Variants in CCDC110 observed in about 807,000 individuals in gnomAD.
CCDC110 encodes the protein coiled-coil domain containing 110.
CCDC110 carries 70 observed loss-of-function variants against 77.1 expected under a neutral mutation model. That is an observed-to-expected ratio of 0.91 (90% CI 0.75 to 1.11). The LOEUF (loss-of-function observed/expected upper bound fraction) is 1.11, where lower values mean the gene tolerates loss of function less well. CCDC110 is among the 50% of genes least tolerant of loss of function. The pLI, the probability that CCDC110 is intolerant of heterozygous loss-of-function variation, is 0.00. For missense variants in CCDC110, 868 were observed against 942.9 expected, an observed-to-expected ratio of 0.92 and a Z score of 1.04; for synonymous variants, 295 against 312.5, an observed-to-expected ratio of 0.94 and a Z score of 0.59.
rs746233190 is a variant in CCDC110, at chr4:185,458,650, G to C, written c.1937C>G (p.Thr646Arg). 2 of 1,606,764 alleles carry C rather than the reference G, an allele frequency of 1.2e-6. No homozygotes were observed. Among genetic ancestry groups the C allele is most frequent in the East Asian group, 2.2e-5 (1 of 44,706 alleles). Reference protein sequence around the residue: ...TVKDEKLNLETTLQESTAARQ... With the variant: ...TVKDEKLNLERTLQESTAARQ... ...GGCAGCAGTAGATTCTTGTAATGTT[G>C]TTTCAAGGTTGAGTTTTTCATCTTT... Residue 646 changes from threonine to arginine, a missense_variant, in exon 6 of 7, where the codon ACA (threonine) becomes AGA (arginine). By Grantham distance (71) the Thr-to-Arg change is moderately conservative. Coordinates refer to ENST00000307588, the MANE Select transcript of CCDC110 (RefSeq NM_152775.4).
Position 185,459,684 on chromosome 4 carries a change from A to G in CCDC110, c.903T>C (p.Gly301=). ...TTGATTTTATATCTTCATTTAAGTT[A>G]CCGTCCAAGTTTTCTTCCTTAATAA... is the stretch of plus-strand genomic sequence containing the variant. The part of the protein sequence containing the change: ...MNFIKEENLD[G]NLNEDIKSKR... The change falls in exon 6 of 7, where the codon GGT becomes GGC. Residue 301 remains glycine, a synonymous_variant. Coordinates refer to ENST00000307588, the MANE Select transcript of CCDC110 (RefSeq NM_152775.4). 6.2e-7 allele frequency: 1 copy of G among 1,612,100 alleles called. No homozygotes were observed. The highest frequency in any genetic ancestry group is 8.5e-7 in the Non-Finnish European group (1 of 1,179,462).
In CCDC110 at chr4:185,459,892, T is replaced by A. The variant is rs745480880; in HGVS notation, c.695A>T (p.His232Leu). The A allele has an allele frequency of 6.2e-7, 1 of 1,613,834 alleles. No homozygotes were observed. Among genetic ancestry groups the A allele is most frequent in the Non-Finnish European group, 8.5e-7 (1 of 1,179,878 alleles). ...KSKITVPFLK[H>L]GFCENLDDIC... Reference sequence around the variant, plus strand: ...GTCATCTAAATTTTCACAAAATCCATGCTTGAGAAAAGGCACAGTAATTTT... The same window carrying A: ...GTCATCTAAATTTTCACAAAATCCAAGCTTGAGAAAAGGCACAGTAATTTT... The change falls in exon 6 of 7, where the codon CAT (histidine) becomes CTT (leucine). Residue 232 changes from histidine to leucine, a missense_variant. Transcript: ENST00000307588.
chr4:185,449,985 G>A (rs1238166219), intron 6 of CCDC110, among the ~76,000 whole-genome samples: 2 of 152,270 alleles, frequency 1.3e-5, no homozygotes, highest in East Asian at 3.9e-4. Context: ...TGCTGGAAGG[G>A]TAGAAAGTAT....
At chr4:185,457,219 A>C (rs774518131) in intron 6 of CCDC110, 4 of 455,082 alleles carry the variant, frequency 8.8e-6, no homozygotes, top group South Asian at 6.2e-5. Context: ...TTTGAATAGC[A>C]GTCTTGGAAG....
chr4:185,467,885 C>T (rs2153324819), intron 2 of CCDC110, among the ~76,000 whole-genome samples: 1 of 152,328 alleles, frequency 6.6e-6, no homozygotes, highest in Admixed American at 6.5e-5. Context: ...TCTCCTGCCT[C>T]AGCTTCCTGA....
In CCDC110 at chr4:185,458,295, C is replaced by T. The variant is rs1299844007; in HGVS notation, c.2292G>A (p.Met764Ile). Residue 764 changes from methionine to isoleucine, a missense_variant, in exon 6 of 7, where the codon ATG (methionine) becomes ATA (isoleucine). Transcript: ENST00000307588. The part of the protein sequence containing the change: ...ENERDTLEFE[M>I]RHLQREYLSL... ...TTAAATATTCTCGTTGAAGATGCCG[C>T]ATCTCAAATTCCAAGGTATCCCTTT... 6.3e-7 allele frequency: 1 copy of T among 1,595,148 alleles called. No individual in the cohort carries two copies. The highest frequency in any genetic ancestry group is 1.4e-5 in the African/African-American group (1 of 73,702).
chr4:185,462,196 C>A (rs1043015084), intron 4 of CCDC110, among the ~76,000 whole-genome samples: 1 of 152,158 alleles, frequency 6.6e-6, no homozygotes, highest in African/African-American at 2.4e-5. Context: ...CTGAGAATCC[C>A]CTACTGTGGA....
At position 185,468,823 on chromosome 4, in the gene CCDC110, A is replaced by T. The variant is rs1263156803; in HGVS notation, c.115+2122T>A. Among the ~76,000 whole-genome samples, 1 of 152,026 alleles carries T rather than the reference A, an allele frequency of 6.6e-6. No homozygotes were observed. Among genetic ancestry groups the T allele is most frequent in the Non-Finnish European group, 1.5e-5 (1 of 67,994 alleles). On this transcript the variant is annotated intron_variant, in intron 2 of 6. Transcript: ENST00000307588. The surrounding 1 kb of genome is among the most constrained non-coding windows in gnomAD (Gnocchi z 4.5). Reference sequence around the variant, plus strand: ...TCCATAGAATTTATTCCCCGCTTACACACAATAGCCTTTGTCTGTCTGTTC... The same window carrying T: ...TCCATAGAATTTATTCCCCGCTTACTCACAATAGCCTTTGTCTGTCTGTTC...
intron 2 of CCDC110, among the ~76,000 whole-genome samples, chr4:185,465,267 C>T (rs903018405): frequency 1.3e-5 from 2 of 152,190 alleles, no homozygotes; most frequent in Non-Finnish European, 2.9e-5. Flanking sequence ...GATTTCCTTT[C>T]ATTAGGAGGA....
intron 6 of CCDC110, among the ~76,000 whole-genome samples, chr4:185,446,610 C>G (rs1442013488): frequency 6.6e-6 from 1 of 151,954 alleles, no homozygotes; most frequent in African/African-American, 2.4e-5. Context: ...CAGGGACTAC[C>G]TAGTACTAAA....
At position 185,471,595 on chromosome 4, in the gene CCDC110, G is replaced by T. The variant is rs1012500785; in HGVS notation, c.10+79C>A. 2.7e-6 allele frequency: 4 copies of T among 1,470,558 alleles called. No individual in the cohort carries two copies. The East Asian group carries it at 1.1e-4, about 41-fold the overall frequency. The allele number at this position is 1,470,558 out of a possible 1,614,324, so 91.1% of individuals were successfully genotyped here. On this transcript the variant is annotated intron_variant, in intron 1 of 6. Transcript: ENST00000307588. ...CGGGATGTCCCGGGTTTTCGAGCGG[G>T]GAGCCGCCTGCTGAATGCCCTTCTG...
At chr4:185,461,970 C>A (rs1012275122) in intron 4 of CCDC110, among the ~76,000 whole-genome samples, 4 of 152,134 alleles carry the variant, frequency 2.6e-5, no homozygotes, top group African/African-American at 9.7e-5. Context: ...TGGTGGTGGG[C>A]ACCTGTAATC....
chr4:185,458,492 T>C lies in CCDC110; in HGVS notation c.2095A>G (p.Lys699Glu). Residue 699 changes from lysine (K) to glutamate (E), a missense_variant, in exon 6 of 7, where the codon AAG (lysine) becomes GAG (glutamate). Transcript: ENST00000307588. ...ATTTTTGATAACATTTCACATTCCT[T>C]GCCAATTTCTGACAAGCTATTCTTA... The part of the protein sequence containing the change: ...IYKNSLSEIG[K>E]ECEMLSKMVM... 1 of 1,604,668 alleles carries C rather than the reference T, an allele frequency of 6.2e-7. No homozygotes were observed. Among genetic ancestry groups the C allele is most frequent in the East Asian group, 2.2e-5 (1 of 44,700 alleles).
Position 185,459,899 on chromosome 4 carries a change from GA to G in CCDC110, c.687del (p.Leu230SerfsTer9). The G allele has an allele frequency of 1.9e-6, 3 of 1,613,846 alleles. No homozygotes were observed. Among genetic ancestry groups the G allele is most frequent in the South Asian group, 1.1e-5 (1 of 91,046 alleles). ...ILDKSKITVPFLKHGFCENLD... is the reference protein window; with the variant it reads ...ILDKSKITVPXLKHGFCENLD... ...AAATTTTCACAAAATCCATGCTTGA[GA>G]AAAGGCACAGTAATTTTGGATTTAT... On this transcript the variant is annotated frameshift_variant, in exon 6 of 7. Transcript: ENST00000307588. LOFTEE classifies it high-confidence loss of function.
intron 6 of CCDC110, among the ~76,000 whole-genome samples, chr4:185,456,170 A>G (rs1289414880): frequency 6.6e-6 from 1 of 152,174 alleles, no homozygotes; most frequent in African/African-American, 2.4e-5. Flanking sequence ...TGATCAAAAC[A>G]GAATTAAATT....
At chr4:185,452,465 G>A (rs1453371887) in intron 6 of CCDC110, 1 of 755,758 alleles carries the variant, frequency 1.3e-6, no homozygotes, top group African/African-American at 1.9e-5. Context: ...GATAAGAACT[G>A]GAGAGAAAGT....
chr4:185,445,734 C>A (rs547484164), intron 6 of CCDC110, among the ~76,000 whole-genome samples, 192 bp from the exon 7 acceptor site: 49 of 152,264 alleles, frequency 3.2e-4, no homozygotes, highest in African/African-American at 1.1e-3. Context: ...AATTTACATT[C>A]TTTTATAAAA....
Position 185,459,997 on chromosome 4 carries a change from T to C in CCDC110, c.590A>G (p.Tyr197Cys), listed in dbSNP as rs370441584. ...AGGTAGAAAACGATAAAAGTTATTA[T>C]AATTCTTCAAGATGTCAGAATTTTC... ...PSENSDILKN[Y>C]NNFYRFLPTA... Residue 197 changes from tyrosine to cysteine, a missense_variant, in exon 6 of 7, where the codon TAT becomes TGT. Physicochemically the swap from Tyr to Cys is radical, Grantham distance 194 (BLOSUM62 -2). Coordinates refer to ENST00000307588, the MANE Select transcript of CCDC110 (RefSeq NM_152775.4). 32 of 1,613,404 alleles carry C rather than the reference T, an allele frequency of 2.0e-5. No homozygotes were observed. Among genetic ancestry groups the C allele is most frequent in the African/African-American group, 2.7e-5 (2 of 74,910 alleles).
intron 2 of CCDC110, among the ~76,000 whole-genome samples, chr4:185,466,744 A>C (rs1411943586): frequency 1.3e-5 from 2 of 150,272 alleles, no homozygotes; most frequent in African/African-American, 5.0e-5. Flanking sequence ...TAAGAGAAGG[A>C]ATTTTTTTTT....
Sources: allele counts gnomAD v4.1 joint callset (sites outside exome capture counted in the v4.1 genomes callset), GRCh38; gene constraint gnomAD v4.1.1; non-coding constraint Gnocchi (gnomAD v3.1); transcripts MANE v1.5; gene names NCBI Gene and HGNC (gene_info 2026-07-23, HGNC 2026-07-21).